Variants in FBL observed in about 807,000 individuals in gnomAD.
FBL encodes rRNA 2'-O-methyltransferase fibrillarin.
Under a neutral mutation model 42.2 loss-of-function variants are expected in FBL, and 10 were observed. The ratio of observed to expected loss-of-function variants is 0.24; its 90% CI spans 0.15 to 0.40. The LOEUF (loss-of-function observed/expected upper bound fraction) is 0.40, where lower values mean the gene tolerates loss of function less well. Among genes scored for constraint, FBL ranks in the 10% least tolerant of loss-of-function variants. The probability of loss-of-function intolerance (pLI) is 1.00; values close to 1 mark genes in which losing one functional copy is unlikely to be tolerated. For missense variants in FBL, 351 were observed against 439.2 expected (o/e 0.80, Z 1.79); for synonymous variants, 165 against 165.4 (o/e 1.00, Z 0.02).
At chr19:39,836,920 G>A (rs113951407) in intron 6 of FBL, among the ~76,000 whole-genome samples, 30 of 152,356 alleles carry the variant, frequency 2.0e-4, no homozygotes, top group African/African-American at 6.3e-4. Flanking sequence ...GGCCGGGCGT[G>A]GGGGACATAG....
intron 5 of FBL, 70 bp downstream of exon 5, chr19:39,838,965 C>T: frequency 7.0e-7 from 1 of 1,425,626 alleles, no homozygotes; most frequent in Non-Finnish European, 9.7e-7. Context: ...GCAGTCAAAC[C>T]CTGATATTCC....
chr19:39,836,725 T>C, intron 6 of FBL, 57 bp from the exon 7 acceptor site: 1 of 1,338,910 alleles, frequency 7.5e-7, no homozygotes. Flanking sequence ...CCCCAGATCC[T>C]CCCATGGGGC....
At position 39,839,007 on chromosome 19, in the gene FBL, C is replaced by T. The variant is rs1006289812; in HGVS notation, c.549+28G>A. On this transcript the variant is annotated intron_variant, in intron 5 of 8. Coordinates refer to ENST00000221801, the MANE Select transcript of FBL (RefSeq NM_001436.4). ...GCAGAAGGGAGGCAGCCTTTACCTC[C>T]TGCCTGACTCTCCATCTACTCACTC... 5 of 1,591,498 alleles carry T rather than the reference C, an allele frequency of 3.1e-6. No individual in the cohort carries two copies. In the African/African-American group the frequency reaches 6.7e-5, roughly 21 times the overall value.
At position 39,846,221 on chromosome 19, in the gene FBL, G is replaced by A. The variant is rs1459032199; in HGVS notation, c.10+70C>T. 7.5e-6 allele frequency: 12 copies of A among 1,593,736 alleles called. No individual in the cohort carries two copies. The African/African-American group carries it at 1.6e-4, about 21-fold the overall frequency. ...CCCCAGGCCAAGGCCCCACCCCTCC[G>A]ATTCTGGCCTGGCACCCGGATTCCC... On this transcript the variant is annotated intron_variant, in intron 1 of 8. Coordinates refer to ENST00000221801, the MANE Select transcript of FBL (RefSeq NM_001436.4).
At position 39,836,573 on chromosome 19, in the gene FBL, A is replaced by G. The variant is rs1315876412; in HGVS notation, c.778T>C (p.Phe260Leu). 1.9e-6 allele frequency: 3 copies of G among 1,612,230 alleles called. No individual in the cohort carries two copies. Among genetic ancestry groups the G allele is most frequent in the Non-Finnish European group, 2.5e-6 (3 of 1,178,290 alleles). The part of the protein sequence containing the change: ...AHTFLRNGGH[F>L]VISIKANCID... ...CCCCGCACCTTAATGGAAATCACAA[A>G]GTGTCCTCCATTACGCAGGAAGGTG... is the stretch of plus-strand genomic sequence containing the variant. Residue 260 changes from phenylalanine to leucine, a missense_variant, in exon 7 of 9, where the codon TTT becomes CTT. Coordinates refer to ENST00000221801, the MANE Select transcript of FBL (RefSeq NM_001436.4).
chr19:39,846,112 G>A lies in FBL; in HGVS notation c.10+179C>T, dbSNP rs1336612775. ...TCTTCGACTCACGACCGTGACCTCT[G>A]AAGCCAGTCACAAACCCCTAGACCT... On this transcript the variant is annotated intron_variant, in intron 1 of 8. Coordinates refer to ENST00000221801, the MANE Select transcript of FBL (RefSeq NM_001436.4). 3.3e-5 allele frequency among the ~76,000 whole-genome samples: 5 copies of A among 152,270 alleles called. No individual in the cohort carries two copies. In the East Asian group the frequency reaches 9.6e-4, roughly 29 times the overall value.
chr19:39,844,006 A>G (rs1485784645), intron 1 of FBL, among the ~76,000 whole-genome samples: 1 of 152,022 alleles, frequency 6.6e-6, no homozygotes, highest in African/African-American at 2.4e-5. Flanking sequence ...TCTTTCTATT[A>G]AAGATGAAAA....
intron 6 of FBL, 81 bp downstream of exon 6, chr19:39,837,630 C>G (rs928021601): frequency 7.6e-7 from 1 of 1,310,726 alleles, no homozygotes. Flanking sequence ...CAACTCCATC[C>G]GAATCAGAGA....
chr19:39,837,562 C>A (rs951743123), intron 6 of FBL, 149 bp downstream of exon 6: 1 of 712,876 alleles, frequency 1.4e-6, no homozygotes, highest in Non-Finnish European at 2.2e-6. Flanking sequence ...CACAACCTCA[C>A]CTAGCTCCCC....
chr19:39,844,684 C>A (rs1969226388), intron 1 of FBL, among the ~76,000 whole-genome samples: 1 of 152,162 alleles, frequency 6.6e-6, no homozygotes, highest in Non-Finnish European at 1.5e-5. Flanking sequence ...CATCCTGGTC[C>A]ACCACACCAT....
At chr19:39,844,671 T>C (rs1356726993) in intron 1 of FBL, among the ~76,000 whole-genome samples, 2 of 152,126 alleles carry the variant, frequency 1.3e-5, no homozygotes, top group Non-Finnish European at 2.9e-5. Flanking sequence ...TGTCCACTGC[T>C]CCCATCCTGG....
intron 6 of FBL, 29 bp from the exon 7 acceptor site, chr19:39,836,697 T>A: frequency 6.3e-7 from 1 of 1,580,680 alleles, no homozygotes; most frequent in South Asian, 1.1e-5. Flanking sequence ...CAGTTAAAAG[T>A]TGGAGTCACA....
chr19:39,846,361 G>T lies in FBL; in HGVS notation c.-61C>A. 1 of 1,602,570 alleles carries T rather than the reference G, an allele frequency of 6.2e-7. No homozygotes were observed. The highest frequency in any genetic ancestry group is 8.5e-7 in the Non-Finnish European group (1 of 1,173,908). On this transcript the variant is annotated 5_prime_UTR_variant, in exon 1 of 9. Transcript: ENST00000221801. ...GCGTTCACAACTCCACGAGTCCGGG[G>T]CTTTCGCACGTGGAAAAGAGCGCAG... is the stretch of plus-strand genomic sequence containing the variant.
Position 39,834,755 on chromosome 19 carries a change from T to C in FBL, c.854A>G (p.Lys285Arg). 2 of 1,614,120 alleles carry C rather than the reference T, an allele frequency of 1.2e-6. No homozygotes were observed. Among genetic ancestry groups the C allele is most frequent in the Non-Finnish European group, 1.7e-6 (2 of 1,179,966 alleles). ...AEAVFASEVK[K>R]MQQENMKPQE... ...CGGCTTCATGTTCTCCTGTTGCATC[T>C]TTTTCACTTCGGAGGCAAACACGGC... is the stretch of plus-strand genomic sequence containing the variant. Residue 285 changes from lysine to arginine, a missense_variant, in exon 8 of 9, where the codon AAG becomes AGG. Physicochemically the swap from Lys to Arg is conservative, Grantham distance 26. Transcript: ENST00000221801.
At chr19:39,844,124 C>T (rs952298718) in intron 1 of FBL, among the ~76,000 whole-genome samples, 3 of 152,212 alleles carry the variant, frequency 2.0e-5, no homozygotes, top group Non-Finnish European at 2.9e-5. Context: ...TCTACTCCCC[C>T]TACAGTCCAC....
intron 1 of FBL, among the ~76,000 whole-genome samples, chr19:39,844,259 G>A (rs1969216834): frequency 6.6e-6 from 1 of 152,162 alleles, no homozygotes; most frequent in Non-Finnish European, 1.5e-5. Context: ...CCACAGCTAG[G>A]CTTATGAAAG....
At position 39,834,458 on chromosome 19, in the gene FBL, G is replaced by C; in HGVS notation, c.*80C>G. On this transcript the variant is annotated 3_prime_UTR_variant, in exon 9 of 9. Transcript: ENST00000221801. ...GGAGGAATGAGCAGCAGACATGGGA[G>C]ACGGATGAGTCTTTTAATAGAAAAA... 1 of 1,518,896 alleles carries C rather than the reference G, an allele frequency of 6.6e-7. No individual in the cohort carries two copies. The highest frequency in any genetic ancestry group is 1.4e-5 in the African/African-American group (1 of 73,156). 94.1% of individuals were successfully genotyped at this position (1,518,896 alleles called of 1,614,324 possible).
At chr19:39,842,541 CA>C (rs1476301365) in intron 1 of FBL, among the ~76,000 whole-genome samples, 1 of 152,094 alleles carries the variant, frequency 6.6e-6, no homozygotes, top group Admixed American at 6.5e-5. Flanking sequence ...CCCAAACAAC[CA>C]AAAGTTGTTT....
At chr19:39,837,877 C>T (rs1466675686) in intron 5 of FBL, 34 bp from the exon 6 acceptor site, 5 of 1,599,138 alleles carry the variant, frequency 3.1e-6, no homozygotes, top group Non-Finnish European at 4.3e-6. Flanking sequence ...AACAGTGATG[C>T]TAGTTCTCAT....
Sources: gnomAD v4.1 joint callset for allele counts (sites outside exome capture counted in the v4.1 genomes callset) on GRCh38, gnomAD v4.1.1 for gene constraint, MANE v1.5 for transcripts, NCBI Gene and HGNC (gene_info 2026-07-23, HGNC 2026-07-21) for gene names.